PTH2R: variants seen among roughly 807,000 people sequenced by gnomAD.
The protein encoded by PTH2R is parathyroid hormone 2 receptor.
In PTH2R, 59 loss-of-function variants were observed where a neutral mutation model predicts 60.3. The ratio of observed to expected loss-of-function variants is 0.98; its 90% CI spans 0.79 to 1.22. PTH2R has a LOEUF of 1.22. Among genes scored for constraint, PTH2R ranks in the 50% most tolerant of loss-of-function variants. The pLI, the probability that PTH2R is intolerant of heterozygous loss-of-function variation, is 0.00. For synonymous variants in PTH2R, 256 were observed against 243.8 expected, an observed-to-expected ratio of 1.05 and a Z score of -0.47; for missense variants, 749 against 682.6, an observed-to-expected ratio of 1.10 and a Z score of -1.08.
At chr2:208,379,194 C>A (rs905934374) in intron 1 of PTH2R, among the ~76,000 whole-genome samples, 1 of 152,074 alleles carries the variant, frequency 6.6e-6, no homozygotes, top group Admixed American at 6.5e-5. Flanking sequence ...TTTATTTGGG[C>A]AGCAGCTGGT....
At chr2:208,490,967 T>C (rs1703391870) in intron 12 of PTH2R, among the ~76,000 whole-genome samples, 1 of 152,242 alleles carries the variant, frequency 6.6e-6, no homozygotes. Flanking sequence ...CATCATATTC[T>C]GGTTAATACT....
At chr2:208,486,432 C>T (rs371123805) in intron 10 of PTH2R, among the ~76,000 whole-genome samples, 4 of 152,180 alleles carry the variant, frequency 2.6e-5, no homozygotes, top group African/African-American at 9.7e-5. Context: ...CCAATGTTTA[C>T]ATTTGTGATA....
At chr2:208,414,902 A>G (rs576399130) in intron 1 of PTH2R, among the ~76,000 whole-genome samples, 1 of 152,240 alleles carries the variant, frequency 6.6e-6, no homozygotes, top group African/African-American at 2.4e-5. Flanking sequence ...TGAGAAAACC[A>G]TAAAAAAAAA....
intron 10 of PTH2R, among the ~76,000 whole-genome samples, chr2:208,488,118 A>G (rs932453841): frequency 6.6e-6 from 1 of 152,154 alleles, no homozygotes; most frequent in Admixed American, 6.6e-5. Context: ...TACTTAAGAA[A>G]ACTTGTAGAA....
At chr2:208,402,582 T>A (rs1476760647), upstream of PTH2R, among the ~76,000 whole-genome samples, 1 of 152,254 alleles carries the variant, frequency 6.6e-6, no homozygotes, top group African/African-American at 2.4e-5. Context: ...ACATTTTCAA[T>A]GTTCCTTCCT....
chr2:208,425,630 AC>A (rs796799791), intron 1 of PTH2R, among the ~76,000 whole-genome samples: 4 of 152,292 alleles, frequency 2.6e-5, no homozygotes, highest in African/African-American at 9.6e-5. Context: ...GCTGTCAAAC[AC>A]CACCAGCTTG....
chr2:208,424,747 A>G (rs142251723), intron 1 of PTH2R, among the ~76,000 whole-genome samples: 3 of 152,160 alleles, frequency 2.0e-5, no homozygotes, highest in African/African-American at 7.2e-5. Flanking sequence ...CTCAGGCTAA[A>G]TCTTCCTGGG....
chr2:208,360,917 G>A (rs1437826238), intron 1 of PTH2R: 1 of 214,996 alleles, frequency 4.7e-6, no homozygotes, highest in African/African-American at 2.3e-5. Flanking sequence ...AGGATCCCAT[G>A]CTTGACGTCG....
chr2:208,455,974 C>G (rs562123953), intron 8 of PTH2R, among the ~76,000 whole-genome samples: 2 of 152,280 alleles, frequency 1.3e-5, no homozygotes, highest in South Asian at 4.1e-4. Context: ...CAAGGTGGCT[C>G]ATGCCTGTAA....
At chr2:208,403,138 T>C (rs1260742550), upstream of PTH2R, among the ~76,000 whole-genome samples, 1 of 152,232 alleles carries the variant, frequency 6.6e-6, no homozygotes, top group Non-Finnish European at 1.5e-5. Flanking sequence ...GGTTAAAATA[T>C]GTTAAAAATA....
chr2:208,410,203 A>G (rs1701510858), intron 1 of PTH2R, among the ~76,000 whole-genome samples: 1 of 152,224 alleles, frequency 6.6e-6, no homozygotes, highest in South Asian at 2.1e-4. Context: ...CTTGCCAAGT[A>G]CCAAATACTG....
chr2:208,468,529 C>T (rs1401122714), intron 9 of PTH2R, among the ~76,000 whole-genome samples: 1 of 152,176 alleles, frequency 6.6e-6, no homozygotes, highest in Non-Finnish European at 1.5e-5. Context: ...CTTTACATGC[C>T]ACACCCTGGC....
At chr2:208,373,736 G>T (rs1338336914) in intron 1 of PTH2R, among the ~76,000 whole-genome samples, 2 of 152,068 alleles carry the variant, frequency 1.3e-5, no homozygotes, top group Non-Finnish European at 2.9e-5. Flanking sequence ...ACTCTGGAAG[G>T]ACCACTGGGA....
chr2:208,395,467 C>T (rs1056576850), intron 1 of PTH2R, among the ~76,000 whole-genome samples: 1 of 152,136 alleles, frequency 6.6e-6, no homozygotes, highest in African/African-American at 2.4e-5. Flanking sequence ...ATTGTGTGCT[C>T]ACCAGCGGTG....
chr2:208,489,120 G>A lies in PTH2R; in HGVS notation c.1185G>A (p.Met395Ile), dbSNP rs1703344397. ...SFTGLGWEIRMHCELFFNSFQ... is the reference protein window; with the variant it reads ...SFTGLGWEIRIHCELFFNSFQ... ...CTGGGCTCGGGTGGGAGATCCGCATGCACTGTGAGCTCTTCTTCAACTCCT... is the reference window on the plus strand; with the variant it reads ...CTGGGCTCGGGTGGGAGATCCGCATACACTGTGAGCTCTTCTTCAACTCCT... The change falls in exon 11 of 13, where the codon ATG (methionine) becomes ATA (isoleucine). Residue 395 changes from methionine (M) to isoleucine (I), a missense_variant. Met to Ile is a conservative substitution (Grantham distance 10). Coordinates refer to ENST00000272847, the MANE Select transcript of PTH2R (RefSeq NM_005048.4). 1.2e-6 allele frequency: 2 copies of A among 1,614,138 alleles called. No homozygotes were observed. Among genetic ancestry groups the A allele is most frequent in the Non-Finnish European group, 1.7e-6 (2 of 1,180,020 alleles).
intron 1 of PTH2R, among the ~76,000 whole-genome samples, chr2:208,387,847 T>C (rs564715210): frequency 3.9e-5 from 6 of 152,340 alleles, no homozygotes; most frequent in Non-Finnish European, 7.3e-5. Flanking sequence ...GATGCTCTCA[T>C]GTTAAATATC....
intron 9 of PTH2R, among the ~76,000 whole-genome samples, chr2:208,475,016 C>T (rs1332065467): frequency 2.0e-5 from 3 of 152,162 alleles, no homozygotes; most frequent in Non-Finnish European, 4.4e-5. Context: ...GCTGCAGCAG[C>T]TGGTGAGCTT....
intron 4 of PTH2R, among the ~76,000 whole-genome samples, chr2:208,440,817 C>T (rs1314359017): frequency 6.6e-6 from 1 of 152,180 alleles, no homozygotes; most frequent in Non-Finnish European, 1.5e-5. Context: ...AGGTCTTCAC[C>T]GAGTGCATGG....
intron 1 of PTH2R, among the ~76,000 whole-genome samples, chr2:208,401,258 C>A (rs1432854129): frequency 6.6e-6 from 1 of 152,144 alleles, no homozygotes; most frequent in African/African-American, 2.4e-5. Flanking sequence ...TCCAATTTCA[C>A]ATTCTTTTCA....
Sources: gnomAD v4.1 joint callset for allele counts (sites outside exome capture counted in the v4.1 genomes callset) on GRCh38, gnomAD v4.1.1 for gene constraint, MANE v1.5 for transcripts, NCBI Gene and HGNC (gene_info 2026-07-23, HGNC 2026-07-21) for gene names.